RETREG1: variants seen among roughly 807,000 people sequenced by gnomAD.
RETREG1 encodes family with sequence similarity 134 member B.
RETREG1 carries 44 observed loss-of-function variants against 54.8 expected under a neutral mutation model. That is an observed-to-expected ratio of 0.80 (90% CI 0.63 to 1.03). RETREG1 has a LOEUF of 1.03. Ranked by LOEUF, RETREG1 falls within the 50% of genes least tolerant of loss-of-function variation. The pLI is 0.00. For missense variants in RETREG1, 554 were observed against 605.1 expected (o/e 0.92, Z 0.89); for synonymous variants, 217 against 238.5 (o/e 0.91, Z 0.83).
At chr5:16,538,741 G>A (rs1037197865) in intron 3 of RETREG1, among the ~76,000 whole-genome samples, 2 of 149,800 alleles carry the variant, frequency 1.3e-5, no homozygotes, top group African/African-American at 4.9e-5. Flanking sequence ...GTCTCGCTCT[G>A]TCGCCCAGGC....
At chr5:16,573,830 C>T (rs1742258221) in intron 1 of RETREG1, among the ~76,000 whole-genome samples, 1 of 142,728 alleles carries the variant, frequency 7.0e-6, no homozygotes, top group South Asian at 2.2e-4. Context: ...CTGCAACCTT[C>T]TCCTCTCAGG....
chr5:16,510,723 G>A (rs1262098575), intron 3 of RETREG1, among the ~76,000 whole-genome samples: 1 of 150,400 alleles, frequency 6.6e-6, no homozygotes, highest in African/African-American at 2.4e-5. Context: ...CTGGGAGGCG[G>A]AGGTTGCTGT....
intron 1 of RETREG1, among the ~76,000 whole-genome samples, chr5:16,604,765 T>G (rs1743139699): frequency 6.6e-6 from 1 of 152,214 alleles, no homozygotes; most frequent in South Asian, 2.1e-4. Flanking sequence ...TTTTCATCCC[T>G]GAGACAAAAA....
At chr5:16,602,422 G>A (rs945897753) in intron 1 of RETREG1, among the ~76,000 whole-genome samples, 4 of 152,150 alleles carry the variant, frequency 2.6e-5, no homozygotes, top group African/African-American at 9.7e-5. Context: ...TGGAAACTGA[G>A]AGGAACTAAG....
At position 16,599,185 on chromosome 5, in the gene RETREG1, C is replaced by G. The variant is rs181658081; in HGVS notation, c.320+17467G>C. ...TCACACCACTGCACTCCGGCCTGGG[C>G]AACAGAGCAGCACCCTGTCTCAATA... On this transcript the variant is annotated intron_variant, in intron 1 of 8. Coordinates refer to ENST00000306320, the MANE Select transcript of RETREG1 (RefSeq NM_001034850.3). 2.0e-5 allele frequency among the ~76,000 whole-genome samples: 3 copies of G among 152,126 alleles called. No homozygotes were observed. The East Asian group carries it at 5.8e-4, about 29-fold the overall frequency.
chr5:16,596,711 A>G (rs1221932002), intron 1 of RETREG1, among the ~76,000 whole-genome samples: 1 of 152,104 alleles, frequency 6.6e-6, no homozygotes, highest in Non-Finnish European at 1.5e-5. Flanking sequence ...AGCCCACAAC[A>G]TCCAGCCAGG....
chr5:16,615,912 G>T (rs1464214956), intron 1 of RETREG1: 1 of 152,240 alleles, frequency 6.6e-6, no homozygotes, highest in Non-Finnish European at 1.5e-5. Flanking sequence ...CGTGGTAACG[G>T]ATGACAGGAC....
intron 3 of RETREG1, among the ~76,000 whole-genome samples, chr5:16,535,309 G>A (rs1741026843): frequency 6.6e-6 from 1 of 152,274 alleles, no homozygotes; most frequent in Non-Finnish European, 1.5e-5. Flanking sequence ...CCTTCATGAA[G>A]TGGGAGTTGG....
At chr5:16,563,802 A>C (rs1263418026) in intron 3 of RETREG1, among the ~76,000 whole-genome samples, 1 of 152,234 alleles carries the variant, frequency 6.6e-6, no homozygotes, top group Non-Finnish European at 1.5e-5. Context: ...CTAAAAATAT[A>C]AATCTTTTTT....
chr5:16,558,077 G>GA (rs540827628), intron 3 of RETREG1, among the ~76,000 whole-genome samples: 2 of 151,668 alleles, frequency 1.3e-5, no homozygotes, highest in East Asian at 3.9e-4. Flanking sequence ...AAAGAAATAA[G>GA]AAAAAAAATT....
chr5:16,537,442 G>C (rs1741106450), intron 3 of RETREG1, among the ~76,000 whole-genome samples: 1 of 152,216 alleles, frequency 6.6e-6, no homozygotes, highest in Non-Finnish European at 1.5e-5. Flanking sequence ...TGTGTGTATG[G>C]TGTGTGGATT....
intron 3 of RETREG1, among the ~76,000 whole-genome samples, chr5:16,488,766 C>T (rs942028038): frequency 3.9e-5 from 6 of 152,096 alleles, no homozygotes; most frequent in East Asian, 3.9e-4. Flanking sequence ...AAACTAAATG[C>T]GGCTCTGGTC....
At chr5:16,485,835 T>C (rs932653620) in intron 3 of RETREG1, among the ~76,000 whole-genome samples, 1 of 152,212 alleles carries the variant, frequency 6.6e-6, no homozygotes, top group Admixed American at 6.5e-5. Context: ...AGTTATTAAG[T>C]TCCCCCTTTG....
At chr5:16,494,102 G>A (rs1033011291) in intron 3 of RETREG1, among the ~76,000 whole-genome samples, 21 of 152,034 alleles carry the variant, frequency 1.4e-4, no homozygotes, top group African/African-American at 4.1e-4. Context: ...GGCTTTTAAA[G>A]GAATACACTC....
chr5:16,517,714 G>A (rs62369713), intron 3 of RETREG1, among the ~76,000 whole-genome samples: 15,622 of 152,094 alleles, frequency 0.1, 900 homozygotes, highest in African/African-American at 0.12. Flanking sequence ...ACCCCCAGCA[G>A]CACACACCCT....
At chr5:16,514,639 A>C (rs949232865) in intron 3 of RETREG1, among the ~76,000 whole-genome samples, 8 of 151,982 alleles carry the variant, frequency 5.3e-5, no homozygotes, top group Non-Finnish European at 1.0e-4. Context: ...TCACCTGAGC[A>C]GTTTATACGG....
chr5:16,519,890 A>C (rs558735832), intron 3 of RETREG1, among the ~76,000 whole-genome samples: 1 of 152,342 alleles, frequency 6.6e-6, no homozygotes. Flanking sequence ...TTATGGTCTC[A>C]GCTGGGACCA....
chr5:16,509,592 G>A (rs1269734187), intron 3 of RETREG1, among the ~76,000 whole-genome samples: 1 of 152,060 alleles, frequency 6.6e-6, no homozygotes, highest in Non-Finnish European at 1.5e-5. Context: ...ATTTCTTTAG[G>A]AATATATCCT....
intron 3 of RETREG1, among the ~76,000 whole-genome samples, chr5:16,503,479 C>T (rs1346497039): frequency 6.6e-6 from 1 of 151,800 alleles, no homozygotes; most frequent in Non-Finnish European, 1.5e-5. Context: ...CCAGCCTGAC[C>T]AAGATGGTGA....
Sources: gnomAD v4.1 joint callset for allele counts (sites outside exome capture counted in the v4.1 genomes callset) on GRCh38, gnomAD v4.1.1 for gene constraint, MANE v1.5 for transcripts, NCBI Gene and HGNC (gene_info 2026-07-23, HGNC 2026-07-21) for gene names.